The following MEP1B variants were observed in gnomAD, a reference collection of about 807,000 sequenced individuals.
The protein encoded by MEP1B is meprin A subunit beta, also known as N-benzoyl-L-tyrosyl-P-amino-benzoic acid hydrolase subunit beta.
In MEP1B, 80 loss-of-function variants were observed where a neutral mutation model predicts 84.6. The observed-to-expected ratio is 0.95, with a 90% confidence interval of 0.79 to 1.14. MEP1B has a LOEUF of 1.14. Ranked by LOEUF, MEP1B falls within the 50% of genes most tolerant of loss-of-function variation. The pLI, the probability that MEP1B is intolerant of heterozygous loss-of-function variation, is 0.00. For synonymous variants in MEP1B, 273 were observed against 288.1 expected, an observed-to-expected ratio of 0.95 and a Z score of 0.53; for missense variants, 766 against 855.1, an observed-to-expected ratio of 0.90 and a Z score of 1.30.
At chr18:32,197,743 A>G (rs2040870511) in intron 5 of MEP1B, among the ~76,000 whole-genome samples, 1 of 152,030 alleles carries the variant, frequency 6.6e-6, no homozygotes, top group African/African-American at 2.4e-5. Context: ...TAAAATTTCA[A>G]CTTTTATTTT....
rs377659643 is a variant in MEP1B, at chr18:32,217,420, A to G, written c.1886+303A>G. Among the ~76,000 whole-genome samples, 19 of 152,282 alleles carry G rather than the reference A, an allele frequency of 1.2e-4. No individual in the cohort carries two copies. In the South Asian group the frequency reaches 3.5e-3, roughly 28 times the overall value. ...CTGCCTCCATTTTCTAGATGAAGAT[A>G]CTGACGTTCTGAGGAGCCCTTGGCC... On this transcript the variant is annotated intron_variant, in intron 13 of 14. Transcript: ENST00000269202.
intron 5 of MEP1B, among the ~76,000 whole-genome samples, chr18:32,199,485 G>C (rs1368488101): frequency 6.6e-6 from 1 of 151,602 alleles, no homozygotes; most frequent in Non-Finnish European, 1.5e-5. Flanking sequence ...GCCAGGGCAG[G>C]AGTAGTTAGC....
chr18:32,193,032 T>G (rs1446580716), intron 4 of MEP1B, among the ~76,000 whole-genome samples: 1 of 152,180 alleles, frequency 6.6e-6, no homozygotes, highest in Non-Finnish European at 1.5e-5. Flanking sequence ...TCTGTGTGGT[T>G]CAAGCCACCA....
intron 5 of MEP1B, among the ~76,000 whole-genome samples, chr18:32,198,355 G>A (rs1407314413): frequency 6.6e-6 from 1 of 152,210 alleles, no homozygotes; most frequent in Non-Finnish European, 1.5e-5. Flanking sequence ...CTGCTCTCAG[G>A]TGGCTGGGCC....
chr18:32,199,657 TC>T (rs759523206), intron 5 of MEP1B, among the ~76,000 whole-genome samples: 1 of 132,256 alleles, frequency 7.6e-6, no homozygotes, highest in African/African-American at 3.2e-5. Context: ...TTCCTTTTTT[TC>T]CTTTCGTTCG....
intron 6 of MEP1B, chr18:32,203,323 A>G (rs2040931647): frequency 4.4e-6 from 1 of 225,458 alleles, no homozygotes; most frequent in Non-Finnish European, 8.6e-6. Context: ...ATGTGTATTT[A>G]TGTGTGTCCA....
chr18:32,214,350 T>C (rs2041061361), intron 11 of MEP1B, among the ~76,000 whole-genome samples: 1 of 152,172 alleles, frequency 6.6e-6, no homozygotes, highest in African/African-American at 2.4e-5. Context: ...AATGGAATTA[T>C]GGCAAGCTGA....
chr18:32,219,281 G>A (rs2041125578), intron 14 of MEP1B, among the ~76,000 whole-genome samples: 1 of 152,162 alleles, frequency 6.6e-6, no homozygotes, highest in Non-Finnish European at 1.5e-5. Flanking sequence ...TATTATCGTA[G>A]GCTGTTGTCC....
At chr18:32,198,985 G>A (rs1040353745) in intron 5 of MEP1B, among the ~76,000 whole-genome samples, 2 of 152,168 alleles carry the variant, frequency 1.3e-5, no homozygotes, top group Non-Finnish European at 2.9e-5. Context: ...GGTGGGTGTA[G>A]AGAAAGAGAT....
At position 32,207,271 on chromosome 18, in the gene MEP1B, C is replaced by T; in HGVS notation, c.567C>T (p.Asn189=). The T allele has an allele frequency of 6.2e-7, 1 of 1,610,658 alleles. No homozygotes were observed. The highest frequency in any genetic ancestry group is 8.5e-7 in the Non-Finnish European group (1 of 1,177,320). Residue 189 remains asparagine, a synonymous_variant, in exon 8 of 15, where the codon AAC becomes AAT. Transcript: ENST00000269202. ...RILSGREHNF[N]TYSDDISDSL... ...CTTTAGGCAGAGAGCACAATTTTAA[C>T]ACCTATAGTGACGATATATCAGATT...
At chr18:32,194,615 C>T (rs1369246534) in intron 4 of MEP1B, among the ~76,000 whole-genome samples, 1 of 152,120 alleles carries the variant, frequency 6.6e-6, no homozygotes, top group Non-Finnish European at 1.5e-5. Context: ...CACCTCAGAA[C>T]AAGAACAACT....
At position 32,212,037 on chromosome 18, in the gene MEP1B, TATATA is replaced by T. The variant is rs370657390; in HGVS notation, c.1136-1073_1136-1069del. 9.4e-4 allele frequency among the ~76,000 whole-genome samples: 139 copies of T among 148,274 alleles called. 1 individual carries two copies. In the East Asian group the frequency reaches 0.017, roughly 18 times the overall value. ...ATGTAAAATATATAAAGAATAATTA[TATATA>T]ATATATTATATATTACATATATAAA... On this transcript the variant is annotated intron_variant, in intron 10 of 14. Coordinates refer to ENST00000269202, the MANE Select transcript of MEP1B (RefSeq NM_005925.3).
At chr18:32,211,270 G>GA (rs1222267215) in intron 10 of MEP1B, among the ~76,000 whole-genome samples, 1 of 151,518 alleles carries the variant, frequency 6.6e-6, no homozygotes, top group Non-Finnish European at 1.5e-5. Flanking sequence ...CTCCATCTCT[G>GA]AAAAAATAAA....
rs1598897703 is a variant in MEP1B at position 32,215,236 on chromosome 18, T to C, written c.1734T>C (p.Asp578=). The C allele has an allele frequency of 1.2e-6, 2 of 1,603,334 alleles. No homozygotes were observed. The highest frequency in any genetic ancestry group is 2.2e-5 in the South Asian group (2 of 89,178). The change falls in exon 12 of 15, where the codon GAT becomes GAC. Residue 578 remains aspartate, a synonymous_variant. Transcript: ENST00000269202. The part of the protein sequence containing the change: ...LKSRDFIKGD[D]VYILLTVEDI... ...GCAGAGATTTTATAAAAGGAGATGA[T>C]GTTTATATCCTACTGACAGTGGAAG...
At chr18:32,219,195 A>C (rs1414822568) in intron 14 of MEP1B, among the ~76,000 whole-genome samples, 1 of 152,220 alleles carries the variant, frequency 6.6e-6, no homozygotes, top group Non-Finnish European at 1.5e-5. Flanking sequence ...TAAAGCTACG[A>C]GTTTTTAAAG....
chr18:32,207,209 A>T (rs1324308634), intron 7 of MEP1B, 43 bp from the exon 8 acceptor site: 1 of 1,348,726 alleles, frequency 7.4e-7, no homozygotes, highest in African/African-American at 1.4e-5. Flanking sequence ...AGATAAGCTG[A>T]ATTTTGTGAA....
Position 32,196,414 on chromosome 18 carries a change from C to T in MEP1B, c.250+929C>T, listed in dbSNP as rs981368616. 91 of 695,780 alleles carry T rather than the reference C, an allele frequency of 1.3e-4. No individual in the cohort carries two copies. In the African/African-American group the frequency reaches 1.4e-3, roughly 11 times the overall value. 43.1% of individuals were successfully genotyped at this position (695,780 alleles called of 1,614,324 possible). A position where few individuals can be genotyped will look rare whatever the true frequency, so the allele number is the denominator to read the frequency against. ...CTCCTTGGTCTTCTCCTGGTCCTCGCCCAGCTGGGTCTTACAGAGGGTGTG... is the reference window on the plus strand; with the variant it reads ...CTCCTTGGTCTTCTCCTGGTCCTCGTCCAGCTGGGTCTTACAGAGGGTGTG... On this transcript the variant is annotated intron_variant, in intron 5 of 14. Transcript: ENST00000269202. The surrounding 1 kb of genome is among the most constrained non-coding windows in gnomAD (Gnocchi z 4.4).
chr18:32,212,224 T>C (rs1319608834), intron 10 of MEP1B, among the ~76,000 whole-genome samples: 1 of 151,994 alleles, frequency 6.6e-6, no homozygotes, highest in Non-Finnish European at 1.5e-5. Flanking sequence ...GGGTTCGTCA[T>C]TGATACACAA....
intron 10 of MEP1B, among the ~76,000 whole-genome samples, chr18:32,212,577 G>C (rs1330468284): frequency 6.6e-6 from 1 of 152,152 alleles, no homozygotes; most frequent in South Asian, 2.1e-4. Context: ...TTACAATGCT[G>C]AGTTACTGGG....
Sources: gnomAD v4.1 joint callset for allele counts (sites outside exome capture counted in the v4.1 genomes callset) on GRCh38, gnomAD v4.1.1 for gene constraint, Gnocchi (gnomAD v3.1) non-coding constraint, MANE v1.5 for transcripts, NCBI Gene and HGNC (gene_info 2026-07-23, HGNC 2026-07-21) for gene names.